XKR4: variants seen among roughly 807,000 people sequenced by gnomAD.
XKR4 encodes the protein XK related 4.
A neutral mutation model predicts 53.9 loss-of-function variants in XKR4; 12 were observed. The observed-to-expected ratio is 0.22, with a 90% CI of 0.14 to 0.36. The LOEUF is 0.36. XKR4 is among the 10% of genes least tolerant of loss of function. The pLI is 1.00. For synonymous variants in XKR4, 354 were observed against 362.4 expected (o/e 0.98, Z 0.26); for missense variants, 799 against 859.5 (o/e 0.93, Z 0.88).
At chr8:55,517,071 A>T (rs2129405345) in intron 2 of XKR4, among the ~76,000 whole-genome samples, 1 of 152,280 alleles carries the variant, frequency 6.6e-6, no homozygotes, top group South Asian at 2.1e-4. Context: ...TGGGAGCTAA[A>T]CAATGGGTAC....
chr8:55,393,912 G>C (rs1804480728), intron 2 of XKR4, among the ~76,000 whole-genome samples: 1 of 152,166 alleles, frequency 6.6e-6, no homozygotes, highest in African/African-American at 2.4e-5. Flanking sequence ...GCCTGTCTGA[G>C]TAATTCCCTT....
intron 1 of XKR4, among the ~76,000 whole-genome samples, chr8:55,252,913 T>C (rs1271366111): frequency 2.6e-5 from 4 of 152,148 alleles, no homozygotes; most frequent in Non-Finnish European, 5.9e-5. Context: ...ATGCATGGGC[T>C]ATTTCTGGGG....
intron 1 of XKR4, among the ~76,000 whole-genome samples, chr8:55,165,843 A>G (rs1257059730): frequency 6.6e-6 from 1 of 152,066 alleles, no homozygotes; most frequent in Non-Finnish European, 1.5e-5. Flanking sequence ...AAGAAAATTC[A>G]TGAAATATGG....
intron 2 of XKR4, among the ~76,000 whole-genome samples, chr8:55,502,835 A>G (rs1806465058): frequency 6.6e-6 from 1 of 151,962 alleles, no homozygotes; most frequent in South Asian, 2.1e-4. Context: ...TCTTCTAAGA[A>G]TTTTCTACTT....
At chr8:55,279,688 G>T (rs961080604) in intron 1 of XKR4, among the ~76,000 whole-genome samples, 2 of 152,124 alleles carry the variant, frequency 1.3e-5, no homozygotes, top group Non-Finnish European at 2.9e-5. Flanking sequence ...AGCCAGTATG[G>T]TGCTCTGGGG....
At chr8:55,469,770 A>T (rs1043492748) in intron 2 of XKR4, among the ~76,000 whole-genome samples, 1 of 152,108 alleles carries the variant, frequency 6.6e-6, no homozygotes, top group Non-Finnish European at 1.5e-5. Flanking sequence ...ATAAGCTATG[A>T]GCTAACTAGG....
chr8:55,285,187 T>C (rs1446099642), intron 1 of XKR4, among the ~76,000 whole-genome samples: 2 of 152,218 alleles, frequency 1.3e-5, no homozygotes, highest in East Asian at 3.8e-4. Context: ...ATTTTTTTAA[T>C]GTCAGCTGAT....
At chr8:55,300,560 G>A (rs1244326106) in intron 1 of XKR4, among the ~76,000 whole-genome samples, 1 of 152,076 alleles carries the variant, frequency 6.6e-6, no homozygotes, top group African/African-American at 2.4e-5. Context: ...ATGGAGATGG[G>A]TCGTGGAATA....
intron 2 of XKR4, among the ~76,000 whole-genome samples, chr8:55,434,080 C>T (rs879658037): frequency 3.9e-5 from 6 of 151,938 alleles, no homozygotes; most frequent in Non-Finnish European, 7.4e-5. Context: ...AAATCAAGTT[C>T]AAGATAAGGT....
chr8:55,428,743 C>A (rs1805055768), intron 2 of XKR4, among the ~76,000 whole-genome samples: 1 of 152,200 alleles, frequency 6.6e-6, no homozygotes, highest in East Asian at 1.9e-4. Flanking sequence ...ACTTCTATGC[C>A]AAAATTATAA....
At chr8:55,108,745 TC>T (rs1816189378) in intron 1 of XKR4, among the ~76,000 whole-genome samples, 1 of 152,204 alleles carries the variant, frequency 6.6e-6, no homozygotes, top group African/African-American at 2.4e-5. Context: ...TGTTTATTAG[TC>T]ACATTTAACT....
At chr8:55,308,532 C>G (rs1467461811) in intron 1 of XKR4, among the ~76,000 whole-genome samples, 1 of 152,146 alleles carries the variant, frequency 6.6e-6, no homozygotes, top group African/African-American at 2.4e-5. Flanking sequence ...GATCCAATCA[C>G]CTCCCACCAG....
At chr8:55,306,605 T>C (rs1819304820) in intron 1 of XKR4, among the ~76,000 whole-genome samples, 1 of 152,176 alleles carries the variant, frequency 6.6e-6, no homozygotes, top group Admixed American at 6.5e-5. Context: ...ATAGTAGCCA[T>C]CAGATCTCAT....
chr8:55,229,963 C>G (rs1436570876), intron 1 of XKR4, among the ~76,000 whole-genome samples: 1 of 151,288 alleles, frequency 6.6e-6, no homozygotes, highest in South Asian at 2.1e-4. Context: ...GCCTTGGCAT[C>G]GTCTTTGCTC....
chr8:55,293,519 C>A (rs1285668822), intron 1 of XKR4, among the ~76,000 whole-genome samples: 1 of 152,044 alleles, frequency 6.6e-6, no homozygotes, highest in African/African-American at 2.4e-5. Flanking sequence ...TAAATGACAT[C>A]ACATACATTT....
intron 2 of XKR4, among the ~76,000 whole-genome samples, chr8:55,430,566 C>T (rs1451944972): frequency 6.6e-6 from 1 of 152,184 alleles, no homozygotes; most frequent in African/African-American, 2.4e-5. Flanking sequence ...TGGAAATATT[C>T]TGCTTCCTGA....
rs1003802968 is a variant in XKR4 at position 55,539,394 on chromosome 8, G to A, written c.*15167G>A. ...TTCAGAAAGTTTACCTTGAGAAGTG[G>A]GTTTGAAATCATCTTGTGCTTGGAG... On this transcript the variant is annotated 3_prime_UTR_variant, in exon 3 of 3. Transcript: ENST00000327381. 5 of 152,100 alleles carry A rather than the reference G, an allele frequency of 3.3e-5. No homozygotes were observed. The highest frequency in any genetic ancestry group is 7.4e-5 in the Non-Finnish European group (5 of 68,020). The allele number at this position is 152,100 out of a possible 1,614,324, so 9.4% of individuals were successfully genotyped here.
At chr8:55,376,045 C>T (rs965320408) in intron 2 of XKR4, among the ~76,000 whole-genome samples, 31 of 152,166 alleles carry the variant, frequency 2.0e-4, no homozygotes, top group Non-Finnish European at 3.8e-4. Flanking sequence ...CATGACCCTA[C>T]AAAGGACACA....
chr8:55,262,522 TAAA>T (rs1191639562), intron 1 of XKR4, among the ~76,000 whole-genome samples: 1 of 152,160 alleles, frequency 6.6e-6, no homozygotes, highest in Non-Finnish European at 1.5e-5. Flanking sequence ...TTAGTGTCCT[TAAA>T]GAAGATAACG....
Sources: allele counts gnomAD v4.1 joint callset (sites outside exome capture counted in the v4.1 genomes callset), GRCh38; gene constraint gnomAD v4.1.1; transcripts MANE v1.5; gene names NCBI Gene and HGNC (gene_info 2026-07-23, HGNC 2026-07-21).